TMEM74B: variants seen among roughly 807,000 people sequenced by gnomAD.
The protein encoded by TMEM74B is transmembrane protein C20orf46.
A neutral mutation model predicts 6.5 loss-of-function variants in TMEM74B; 7 were observed. The ratio of observed to expected loss-of-function variants is 1.07; its 90% CI spans 0.61 to 2.01. TMEM74B has a LOEUF of 2.01. Among genes scored for constraint, TMEM74B ranks in the 30% most tolerant of loss-of-function variants. TMEM74B has a pLI of 0.00. For synonymous variants in TMEM74B, 151 were observed against 151.6 expected (o/e 1.00, Z 0.03); for missense variants, 342 against 337.0 (o/e 1.01, Z -0.12).
At position 1,181,333 on chromosome 20, in the gene TMEM74B, G is replaced by C. The variant is rs146327833; in HGVS notation, c.286C>G (p.Arg96Gly). Residue 96 changes from arginine to glycine, a missense_variant, in exon 3 of 3, where the codon CGA (arginine) becomes GGA (glycine). Physicochemically the swap from Arg to Gly is moderately radical, Grantham distance 125 (BLOSUM62 -2). Transcript: ENST00000429036. The surrounding 1 kb of genome is among the most constrained non-coding windows in gnomAD (Gnocchi z 4.9). ...SPPGGVSSLP[R>G]SQRDDLSLHS... ...AGGGACAGATCATCCCGCTGGGATC[G>C]GGGCAGTGAGGAGACACCCCCAGGG... The C allele has an allele frequency of 3.1e-6, 5 of 1,588,892 alleles. No individual in the cohort carries two copies. The highest frequency in any genetic ancestry group is 3.4e-5 in the Admixed American group (2 of 58,348).
rs148774964 is a variant in TMEM74B, at chr20:1,183,043, C to T, written c.31+728G>A. Among the ~76,000 whole-genome samples the T allele has an allele frequency of 4.4e-3, 672 of 152,274 alleles. 8 individuals are homozygous for T. The highest frequency in any genetic ancestry group is 0.017 in the Middle Eastern group (5 of 294). On this transcript the variant is annotated intron_variant, in intron 2 of 2. Coordinates refer to ENST00000429036, the MANE Select transcript of TMEM74B (RefSeq NM_001304748.2). ...CTCTCCCCGACAGGTCCCACCTCAG[C>T]CCCCTTCCCTGCCTGGCATGTGTCA...
chr20:1,183,277 T>C (rs976626763), intron 2 of TMEM74B, among the ~76,000 whole-genome samples: 8 of 150,546 alleles, frequency 5.3e-5, no homozygotes, highest in Non-Finnish European at 8.9e-5. Flanking sequence ...TCCAGTGCAC[T>C]GTGGTTCGTT....
upstream of TMEM74B, chr20:1,185,455 C>T (rs2122691886): frequency 6.7e-6 from 1 of 148,516 alleles, no homozygotes; most frequent in Admixed American, 6.7e-5. Context: ...GGGGGGGATC[C>T]GGGGACGGAG....
At position 1,181,456 on chromosome 20, in the gene TMEM74B, T is replaced by C. The variant is rs769136337; in HGVS notation, c.163A>G (p.Thr55Ala). The C allele has an allele frequency of 3.8e-5, 58 of 1,514,328 alleles. No homozygotes were observed. The highest frequency in any genetic ancestry group is 6.8e-5 in the Admixed American group (3 of 44,044). The allele number at this position is 1,514,328 out of a possible 1,614,324, so 93.8% of individuals were successfully genotyped here. A position where few individuals can be genotyped will look rare whatever the true frequency, so the allele number is the denominator to read the frequency against. ...RSAPLGPVAP[T>A]REGVENACFS... Reference sequence around the variant, plus strand: ...CAGGCATTCTCCACACCCTCCCTGGTTGGGGCCACTGGGCCCAGGGGAGCT... The same window carrying C: ...CAGGCATTCTCCACACCCTCCCTGGCTGGGGCCACTGGGCCCAGGGGAGCT... Residue 55 changes from threonine to alanine, a missense_variant, in exon 3 of 3, where the codon ACC becomes GCC. Transcript: ENST00000429036. This position sits in a 1 kb window ranked among gnomAD's most constrained non-coding sequence, Gnocchi z 4.9.
At chr20:1,189,051 A>C (rs1568500640), upstream of TMEM74B, 1 of 152,110 alleles carries the variant, frequency 6.6e-6, no homozygotes, top group Non-Finnish European at 1.5e-5. This position sits in a 1 kb window ranked among gnomAD's most constrained non-coding sequence, Gnocchi z 4.5. Context: ...AAACGTGATG[A>C]CCTCAGCCAG....
At chr20:1,185,694 CG>C (rs1187622928), upstream of TMEM74B, among the ~76,000 whole-genome samples, 1 of 143,010 alleles carries the variant, frequency 7.0e-6, no homozygotes. Flanking sequence ...CCGCGGTCCA[CG>C]GGCGCAGGGG....
upstream of TMEM74B, among the ~76,000 whole-genome samples, chr20:1,188,281 GGTT>G (rs1489266893): frequency 6.6e-6 from 1 of 151,142 alleles, no homozygotes; most frequent in East Asian, 2.0e-4. Flanking sequence ...CTGAAATCTT[GGTT>G]TCTAATACCA....
chr20:1,187,804 G>A (rs1293989980), upstream of TMEM74B, among the ~76,000 whole-genome samples: 1 of 152,214 alleles, frequency 6.6e-6, no homozygotes, highest in Non-Finnish European at 1.5e-5. Flanking sequence ...GGTAGGAGAC[G>A]AGCCTGGGCT....
rs995910196 is a variant in TMEM74B, at chr20:1,183,861, G to C, written c.-60C>G. On this transcript the variant is annotated 5_prime_UTR_variant, in exon 2 of 3. Coordinates refer to ENST00000429036, the MANE Select transcript of TMEM74B (RefSeq NM_001304748.2). ...ACTCATAGACTCTTCATTTTATCCAGCTGTTTATCAGCAACCGTGAGCACC... is the reference window on the plus strand; with the variant it reads ...ACTCATAGACTCTTCATTTTATCCACCTGTTTATCAGCAACCGTGAGCACC... 6 of 1,602,988 alleles carry C rather than the reference G, an allele frequency of 3.7e-6. No individual in the cohort carries two copies. The highest frequency in any genetic ancestry group is 4.3e-6 in the Non-Finnish European group (5 of 1,173,136).
Position 1,183,884 on chromosome 20 carries a change from A to G in TMEM74B, c.-83T>C. ...CAGCTGTTTATCAGCAACCGTGAGC[A>G]CCTTGAGAGCAGGCATAAGTTTGAA... On this transcript the variant is annotated 5_prime_UTR_variant, in exon 2 of 3. Coordinates refer to ENST00000429036, the MANE Select transcript of TMEM74B (RefSeq NM_001304748.2). 12 of 1,544,288 alleles carry G rather than the reference A, an allele frequency of 7.8e-6. No homozygotes were observed. The highest frequency in any genetic ancestry group is 1.1e-5 in the Non-Finnish European group (12 of 1,125,884).
At chr20:1,186,196 C>G (rs938300861), upstream of TMEM74B, 17 of 152,414 alleles carry the variant, frequency 1.1e-4, no homozygotes, top group African/African-American at 3.9e-4. Flanking sequence ...CTCTGACGGT[C>G]GTGATTTTGT....
At chr20:1,187,089 T>C (rs2122699782), upstream of TMEM74B, among the ~76,000 whole-genome samples, 1 of 152,306 alleles carries the variant, frequency 6.6e-6, no homozygotes, top group Admixed American at 6.5e-5. Context: ...GACGTTTTTC[T>C]TTCTGATATT....
chr20:1,180,983 G>A lies in TMEM74B; in HGVS notation c.636C>T (p.Pro212=), dbSNP rs752297812. ...CGTAGGTCTTCCTGGAGCCCTTGCC[G>A]GGGACGAAGGTCCTCCGGCGGTACA... The part of the protein sequence containing the change: ...GELYRRRTFV[P]GKGSRKTYGS... Residue 212 remains proline, a synonymous_variant, in exon 3 of 3, where the codon CCC becomes CCT. Coordinates refer to ENST00000429036, the MANE Select transcript of TMEM74B (RefSeq NM_001304748.2). This position sits in a 1 kb window ranked among gnomAD's most constrained non-coding sequence, Gnocchi z 6.1. 28 of 1,613,928 alleles carry A rather than the reference G, an allele frequency of 1.7e-5. No individual in the cohort carries two copies. The highest frequency in any genetic ancestry group is 6.7e-5 in the East Asian group (3 of 44,880).
In TMEM74B at chr20:1,181,781, C is replaced by T. The variant is rs923332528; in HGVS notation, c.32-194G>A. Among the ~76,000 whole-genome samples the T allele has an allele frequency of 1.3e-5, 2 of 152,160 alleles. No individual in the cohort carries two copies. Among genetic ancestry groups the T allele is most frequent in the Non-Finnish European group, 2.9e-5 (2 of 68,018 alleles). On this transcript the variant is annotated intron_variant, in intron 2 of 2. Coordinates refer to ENST00000429036, the MANE Select transcript of TMEM74B (RefSeq NM_001304748.2). This position sits in a 1 kb window ranked among gnomAD's most constrained non-coding sequence, Gnocchi z 4.9. ...TCCAAGCCCAGATCCCACTCTACCA[C>T]CGGGTGGGGTATGGCTGTGGGCAAT... is the stretch of plus-strand genomic sequence containing the variant.
At position 1,184,834 on chromosome 20, in the gene TMEM74B, C is replaced by T. The variant is rs1305007306; in HGVS notation, c.-680G>A. On this transcript the variant is annotated 5_prime_UTR_variant, in exon 1 of 3. Coordinates refer to ENST00000429036, the MANE Select transcript of TMEM74B (RefSeq NM_001304748.2). The surrounding 1 kb of genome is among the most constrained non-coding windows in gnomAD (Gnocchi z 6.0). ...GTTGTACACAAAGCCTTGGGGCGCGCAGATACGCACACGCAGGTCCACGCT... is the reference window on the plus strand; with the variant it reads ...GTTGTACACAAAGCCTTGGGGCGCGTAGATACGCACACGCAGGTCCACGCT... Among the ~76,000 whole-genome samples, 1 of 152,228 alleles carries T rather than the reference C, an allele frequency of 6.6e-6. No individual in the cohort carries two copies. Among genetic ancestry groups the T allele is most frequent in the East Asian group, 1.9e-4 (1 of 5,176 alleles).
upstream of TMEM74B, among the ~76,000 whole-genome samples, chr20:1,187,578 C>A (rs1277348414): frequency 1.3e-5 from 2 of 152,132 alleles, no homozygotes; most frequent in Admixed American, 1.3e-4. Flanking sequence ...AGGGTGCCAA[C>A]CTAGTCTTGG....
chr20:1,181,607 G>T lies in TMEM74B; in HGVS notation c.32-20C>A. The T allele has an allele frequency of 6.9e-7, 1 of 1,452,912 alleles. No individual in the cohort carries two copies. Among genetic ancestry groups the T allele is most frequent in the Admixed American group, 2.6e-5 (1 of 37,948 alleles). 90.0% of individuals were successfully genotyped at this position (1,452,912 alleles called of 1,614,324 possible). On this transcript the variant is annotated intron_variant, in intron 2 of 2. Transcript: ENST00000429036. This position sits in a 1 kb window ranked among gnomAD's most constrained non-coding sequence, Gnocchi z 4.9. ...TGGCAGCTGGAAGAGAAAAAAGAAA[G>T]TCAGTTGAATGTAGCAACCTCTCCC...
In TMEM74B at chr20:1,183,776, A is replaced by G. The variant is rs1018852903; in HGVS notation, c.26T>C (p.Phe9Ser). The part of the protein sequence containing the change: MPPAQGYE[F>S]AAAKGPRDEL... The stretch of plus-strand genomic sequence containing the variant: ...AATTATTATCATGTACAAACCTGCA[A>G]ACTCATACCCCTGTGCTGGTGGCAT... The change falls in exon 2 of 3, where the codon TTT becomes TCT. Residue 9 changes from phenylalanine (F) to serine (S), a missense_variant. Phe to Ser is a radical substitution (Grantham distance 155). Coordinates refer to ENST00000429036, the MANE Select transcript of TMEM74B (RefSeq NM_001304748.2). The G allele has an allele frequency of 1.2e-6, 2 of 1,613,864 alleles. No individual in the cohort carries two copies. Among genetic ancestry groups the G allele is most frequent in the African/African-American group, 2.7e-5 (2 of 74,878 alleles).
Position 1,181,730 on chromosome 20 carries a change from A to G in TMEM74B, c.32-143T>C. ...CTGCCAGACAGAGGGGAAGACAGGG[A>G]ATAAGACGATGACAGAACAGTGTGA... On this transcript the variant is annotated intron_variant, in intron 2 of 2. Transcript: ENST00000429036. The surrounding 1 kb of genome is among the most constrained non-coding windows in gnomAD (Gnocchi z 4.9). The G allele has an allele frequency of 1.1e-6, 1 of 939,802 alleles. No homozygotes were observed. Among genetic ancestry groups the G allele is most frequent in the Non-Finnish European group, 1.4e-6 (1 of 698,718 alleles). The allele number at this position is 939,802 out of a possible 1,614,324, so 58.2% of individuals were successfully genotyped here. A position where few individuals can be genotyped will look rare whatever the true frequency, so the allele number is the denominator to read the frequency against.
Sources: gnomAD v4.1 joint callset for allele counts (sites outside exome capture counted in the v4.1 genomes callset) on GRCh38, gnomAD v4.1.1 for gene constraint, Gnocchi (gnomAD v3.1) non-coding constraint, MANE v1.5 for transcripts, NCBI Gene and HGNC (gene_info 2026-07-23, HGNC 2026-07-21) for gene names.